Variants in PCNT observed in about 807,000 individuals in gnomAD.
The protein encoded by PCNT is pericentrin.
A neutral mutation model predicts 380.4 loss-of-function variants in PCNT; 319 were observed. The observed-to-expected ratio is 0.84, with a 90% CI of 0.77 to 0.92. The LOEUF is 0.92. Ranked by LOEUF, PCNT falls within the 40% of genes least tolerant of loss-of-function variation. The pLI is 0.00. For synonymous variants in PCNT, 1,845 were observed against 1,735.2 expected, an observed-to-expected ratio of 1.06 and a Z score of -1.57; for missense variants, 4,400 against 4,255.3, an observed-to-expected ratio of 1.03 and a Z score of -0.95.
At chr21:46,434,600 G>T (rs1292867519) in intron 38 of PCNT, among the ~76,000 whole-genome samples, 1 of 152,222 alleles carries the variant, frequency 6.6e-6, no homozygotes, top group Non-Finnish European at 1.5e-5. Context: ...TCCCCTGCCT[G>T]GTGGGAGTCG....
intron 3 of PCNT, among the ~76,000 whole-genome samples, chr21:46,340,113 A>G (rs1171829397): frequency 6.6e-6 from 1 of 152,222 alleles, no homozygotes; most frequent in Non-Finnish European, 1.5e-5. Flanking sequence ...GAAGGCAAGG[A>G]GGACCAAGTC....
chr21:46,324,264 G>A lies in PCNT; in HGVS notation c.36G>A (p.Val12=), dbSNP rs1160427923. The A allele has an allele frequency of 3.7e-6, 6 of 1,611,706 alleles. No individual in the cohort carries two copies. The African/African-American group carries it at 8.0e-5, about 22-fold the overall frequency. The part of the protein sequence containing the change: ...EVEQEQRRRK[V]EAGRTKLAHF... ...AGCAAGAGCAGCGGCGCAGAAAGGT[G>A]GAGGCCGGGAGGACGAAGGTAAACA... Residue 12 remains valine, a synonymous_variant, in exon 1 of 47, where the codon GTG becomes GTA. Coordinates refer to ENST00000359568, the MANE Select transcript of PCNT (RefSeq NM_006031.6).
At chr21:46,402,224 C>A in intron 26 of PCNT, 107 bp from the exon 27 acceptor site, 3 of 752,332 alleles carry the variant, frequency 4.0e-6, no homozygotes, top group South Asian at 1.9e-5. Flanking sequence ...TTGCTTTAGG[C>A]ATGTGCATTT....
At chr21:46,339,410 G>GATAGACATATAAAGGGGAGTTTATTA (rs1250965458) in intron 3 of PCNT, among the ~76,000 whole-genome samples, 2 of 152,310 alleles carry the variant, frequency 1.3e-5, no homozygotes. Flanking sequence ...TAAAAGGATA[G>GATAGACATATAAAGGGGAGTTTATTA]ATAGACATAT....
At chr21:46,428,817 A>C (rs1033989130) in intron 35 of PCNT, among the ~76,000 whole-genome samples, 2 of 152,100 alleles carry the variant, frequency 1.3e-5, no homozygotes, top group Admixed American at 1.3e-4. Flanking sequence ...TGATGTGGGC[A>C]AGAGGGGCCT....
intron 1 of PCNT, among the ~76,000 whole-genome samples, chr21:46,325,367 G>A (rs755830836): frequency 2.0e-5 from 3 of 152,184 alleles, no homozygotes; most frequent in Admixed American, 6.5e-5. Flanking sequence ...GCTGCGAACA[G>A]GAGCAGAGCT....
chr21:46,372,880 G>C (rs955598127), intron 15 of PCNT, among the ~76,000 whole-genome samples: 2 of 152,232 alleles, frequency 1.3e-5, no homozygotes, highest in African/African-American at 4.8e-5. Flanking sequence ...GGAAAAGTCA[G>C]ATTCTGTCTC....
At chr21:46,367,530 A>T (rs1345407666) in intron 15 of PCNT, among the ~76,000 whole-genome samples, 10 of 150,646 alleles carry the variant, frequency 6.6e-5, no homozygotes, top group Non-Finnish European at 1.0e-4. Flanking sequence ...CTGGTCTCGA[A>T]CTCCTGACTT....
chr21:46,440,135 T>C lies in PCNT; in HGVS notation c.9326T>C (p.Leu3109Pro), dbSNP rs761557744. 1 of 1,614,134 alleles carries C rather than the reference T, an allele frequency of 6.2e-7. No homozygotes were observed. Among genetic ancestry groups the C allele is most frequent in the Admixed American group, 1.7e-5 (1 of 60,028 alleles). The stretch of plus-strand genomic sequence containing the variant: ...GACGAAACGGCTCCACAGAGTTCCC[T>C]GAGGCGCCCAGACCCCGGCCGGCTT... The part of the protein sequence containing the change: ...KPDETAPQSS[L>P]RRPDPGRLPP... Residue 3109 changes from leucine (L) to proline (P), a missense_variant, in exon 42 of 47, where the codon CTG becomes CCG. Leu to Pro is a moderately conservative substitution (Grantham distance 98). Coordinates refer to ENST00000359568, the MANE Select transcript of PCNT (RefSeq NM_006031.6).
intron 27 of PCNT, among the ~76,000 whole-genome samples, chr21:46,406,172 G>A (rs762337853): frequency 3.3e-5 from 5 of 152,188 alleles, no homozygotes; most frequent in Non-Finnish European, 5.9e-5. Context: ...TGGCGTGGTC[G>A]TGGTTGTTGT....
At chr21:46,324,406 C>G (rs542296375) in intron 1 of PCNT, 124 bp downstream of exon 1, 10 of 851,942 alleles carry the variant, frequency 1.2e-5, no homozygotes, top group African/African-American at 3.4e-5. Flanking sequence ...GGAGGTCTCG[C>G]TTTTTCCCGC....
At chr21:46,432,613 T>C (rs961031765) in intron 38 of PCNT, among the ~76,000 whole-genome samples, 2 of 152,328 alleles carry the variant, frequency 1.3e-5, no homozygotes, top group African/African-American at 4.8e-5. Context: ...GATTACAGAA[T>C]GTGTCTCTTC....
At chr21:46,429,037 T>C (rs899556577) in intron 35 of PCNT, among the ~76,000 whole-genome samples, 2 of 152,230 alleles carry the variant, frequency 1.3e-5, no homozygotes, top group Non-Finnish European at 2.9e-5. Context: ...TTCCCTGCTC[T>C]TAGTTTTGGG....
At chr21:46,330,454 AAGT>A (rs1357478981) in intron 2 of PCNT, among the ~76,000 whole-genome samples, 2 of 152,174 alleles carry the variant, frequency 1.3e-5, no homozygotes, top group African/African-American at 2.4e-5. Context: ...TAGGTAAACT[AAGT>A]AGTATGTGTA....
intron 2 of PCNT, among the ~76,000 whole-genome samples, chr21:46,328,675 G>A (rs1301011275): frequency 6.6e-6 from 1 of 151,988 alleles, no homozygotes; most frequent in East Asian, 1.9e-4. Flanking sequence ...TGGTCAGGCT[G>A]GTCTTCAACT....
At chr21:46,344,434 G>A (rs1299954445) in intron 3 of PCNT, among the ~76,000 whole-genome samples, 1 of 152,226 alleles carries the variant, frequency 6.6e-6, no homozygotes, top group Non-Finnish European at 1.5e-5. Context: ...CCCTGGGGAC[G>A]AGTCCCCGCA....
rs887303732 is a variant in PCNT at position 46,436,142 on chromosome 21, T to C, written c.8990T>C (p.Val2997Ala). ...CTCACCAGCTTCACCAGCCAGGCCG[T>C]GGACAGGTGTGCACCCACGCCACCT... The part of the protein sequence containing the change: ...RLLTSFTSQA[V>A]DRTVNDWTSS... The change falls in exon 39 of 47, where the codon GTG becomes GCG. Residue 2997 changes from valine (V) to alanine (A), a missense_variant. Transcript: ENST00000359568. 1 of 1,607,048 alleles carries C rather than the reference T, an allele frequency of 6.2e-7. No homozygotes were observed. The highest frequency in any genetic ancestry group is 8.5e-7 in the Non-Finnish European group (1 of 1,179,814).
At position 46,422,095 on chromosome 21, in the gene PCNT, G is replaced by A; in HGVS notation, c.7150G>A (p.Glu2384Lys). ...TCAGCCGCTGCCGGAAGCCATGAAG[G>A]AGAAGGAAGTGCGTCCGAAGCACGT... ...RFQPLPEAMKEKEVRPKHVKA... is the reference protein window; with the variant it reads ...RFQPLPEAMKKKEVRPKHVKA... The change falls in exon 32 of 47, where the codon GAG becomes AAG. Residue 2384 changes from glutamate to lysine, a missense_variant. Coordinates refer to ENST00000359568, the MANE Select transcript of PCNT (RefSeq NM_006031.6). The A allele has an allele frequency of 3.1e-6, 5 of 1,613,942 alleles. No homozygotes were observed. Among genetic ancestry groups the A allele is most frequent in the Middle Eastern group, 1.6e-4 (1 of 6,062 alleles).
chr21:46,401,771 G>T, intron 26 of PCNT, 50 bp downstream of exon 26: 1 of 1,584,742 alleles, frequency 6.3e-7, no homozygotes, highest in Non-Finnish European at 8.7e-7. Context: ...TCAGTGTCCA[G>T]TGGGCTTCTC....
Sources: allele counts gnomAD v4.1 joint callset (sites outside exome capture counted in the v4.1 genomes callset), GRCh38; gene constraint gnomAD v4.1.1; transcripts MANE v1.5; gene names NCBI Gene and HGNC (gene_info 2026-07-23, HGNC 2026-07-21).